Variants in GPC5 observed in about 807,000 individuals in gnomAD.
GPC5 encodes glypican 5, also known as glypican-5.
A neutral mutation model predicts 53.9 loss-of-function variants in GPC5; 47 were observed. That is an observed-to-expected ratio of 0.87 (90% CI 0.69 to 1.11). GPC5 has a LOEUF of 1.11. Among genes scored for constraint, GPC5 ranks in the 50% most tolerant of loss-of-function variants. The pLI is 0.00. For synonymous variants in GPC5, 286 were observed against 263.3 expected (o/e 1.09, Z -0.84); for missense variants, 748 against 713.1 (o/e 1.05, Z -0.56).
Position 91,833,948 on chromosome 13 carries a change from C to A in GPC5, c.1281-73989C>A, listed in dbSNP as rs542943682. On this transcript the variant is annotated intron_variant, in intron 5 of 7. Transcript: ENST00000377067. The stretch of plus-strand genomic sequence containing the variant: ...GTATTCAAATAGGAAAAGAGAAAGT[C>A]AGATTGTCTCTGTTTGCAGATGTCA... 2.6e-5 allele frequency among the ~76,000 whole-genome samples: 4 copies of A among 152,232 alleles called. No individual in the cohort carries two copies. In the East Asian group the frequency reaches 7.8e-4, roughly 30 times the overall value.
intron 7 of GPC5, among the ~76,000 whole-genome samples, chr13:92,278,530 T>G (rs2042891618): frequency 6.6e-6 from 1 of 152,070 alleles, no homozygotes; most frequent in African/African-American, 2.4e-5. Context: ...ATGGGCAATG[T>G]ACCTTTTATG....
At chr13:91,572,527 C>T (rs78477264) in intron 2 of GPC5, among the ~76,000 whole-genome samples, 3 of 151,982 alleles carry the variant, frequency 2.0e-5, no homozygotes, top group South Asian at 4.1e-4. Context: ...GCCATTGTAT[C>T]ACATGGTGAG....
In GPC5 at chr13:91,470,997, T is replaced by A. The variant is rs558911746; in HGVS notation, c.325+22075T>A. 9.9e-5 allele frequency among the ~76,000 whole-genome samples: 15 copies of A among 152,272 alleles called. No individual in the cohort carries two copies. The East Asian group carries it at 2.5e-3, about 26-fold the overall frequency. ...TCCAATTTTGATCACTTCCATGAAG[T>A]GCTGATTACGAAGACCTTATGTTAA... On this transcript the variant is annotated intron_variant, in intron 2 of 7. Coordinates refer to ENST00000377067, the MANE Select transcript of GPC5 (RefSeq NM_004466.6).
At chr13:92,602,489 C>T (rs1041516896) in intron 7 of GPC5, among the ~76,000 whole-genome samples, 1 of 151,922 alleles carries the variant, frequency 6.6e-6, no homozygotes, top group South Asian at 2.1e-4. Flanking sequence ...ACTCTACTAA[C>T]TGCTCCAAAT....
intron 7 of GPC5, among the ~76,000 whole-genome samples, chr13:92,846,665 T>A (rs1351197655): frequency 6.6e-6 from 1 of 152,198 alleles, no homozygotes; most frequent in African/African-American, 2.4e-5. Flanking sequence ...GAGAGAGTTT[T>A]ATCATGTGCA....
At position 92,201,344 on chromosome 13, in the gene GPC5, C is replaced by G. The variant is rs562786413; in HGVS notation, c.1561+56355C>G. ...CTAATATTTGATACATTGCTGTTGG[C>G]CGAGGAGCAGCCATGGCACATTGTC... On this transcript the variant is annotated intron_variant, in intron 7 of 7. Coordinates refer to ENST00000377067, the MANE Select transcript of GPC5 (RefSeq NM_004466.6). Among the ~76,000 whole-genome samples, 4 of 152,144 alleles carry G rather than the reference C, an allele frequency of 2.6e-5. No homozygotes were observed. The South Asian group carries it at 6.2e-4, about 24-fold the overall frequency.
At chr13:91,946,841 G>A (rs183880182) in intron 6 of GPC5, among the ~76,000 whole-genome samples, 1 of 152,088 alleles carries the variant, frequency 6.6e-6, no homozygotes, top group East Asian at 1.9e-4. Context: ...TAGGCCATAG[G>A]ATATAAGCCA....
At chr13:92,681,984 C>T (rs1594416015) in intron 7 of GPC5, among the ~76,000 whole-genome samples, 1 of 152,180 alleles carries the variant, frequency 6.6e-6, no homozygotes, top group Non-Finnish European at 1.5e-5. Context: ...TGTTTATATG[C>T]ATATTTCCCC....
At chr13:91,799,256 T>C (rs1232531182) in intron 5 of GPC5, among the ~76,000 whole-genome samples, 2 of 152,182 alleles carry the variant, frequency 1.3e-5, no homozygotes, top group Admixed American at 1.3e-4. Context: ...TTGCCTATTC[T>C]CACTTATAAA....
intron 2 of GPC5, among the ~76,000 whole-genome samples, chr13:91,607,174 T>A (rs2033396436): frequency 8.5e-6 from 1 of 117,962 alleles, no homozygotes; most frequent in East Asian, 3.1e-4. Flanking sequence ...GGAGTTCTAT[T>A]TTATCATATC....
At chr13:92,281,436 G>C (rs1048110935) in intron 7 of GPC5, among the ~76,000 whole-genome samples, 2 of 152,232 alleles carry the variant, frequency 1.3e-5, no homozygotes, top group African/African-American at 4.8e-5. Context: ...TCTGAGAACA[G>C]ACAGACTGCC....
intron 2 of GPC5, among the ~76,000 whole-genome samples, chr13:91,656,593 G>A (rs2034850960): frequency 6.6e-6 from 1 of 152,140 alleles, no homozygotes; most frequent in Non-Finnish European, 1.5e-5. Context: ...AATATGTGTA[G>A]CAGAGAAACT....
chr13:92,343,582 A>G (rs2043385173), intron 7 of GPC5, among the ~76,000 whole-genome samples: 1 of 152,154 alleles, frequency 6.6e-6, no homozygotes. Context: ...ATTGAAACAT[A>G]ATAATATAAT....
chr13:91,480,874 A>G (rs1883261386), intron 2 of GPC5, among the ~76,000 whole-genome samples: 1 of 151,946 alleles, frequency 6.6e-6, no homozygotes. Context: ...CTTTCCTACT[A>G]GTTCTTTAGT....
chr13:92,470,237 G>A (rs188184631), intron 7 of GPC5, among the ~76,000 whole-genome samples: 63 of 152,168 alleles, frequency 4.1e-4, no homozygotes, highest in Admixed American at 9.8e-4. Flanking sequence ...ATATAACAGC[G>A]AAAATATTAA....
chr13:91,891,788 A>G (rs1594645000), intron 5 of GPC5, among the ~76,000 whole-genome samples: 1 of 152,112 alleles, frequency 6.6e-6, no homozygotes, highest in East Asian at 1.9e-4. Context: ...CAGTTTCATG[A>G]ATTCATCAGT....
chr13:92,016,505 AT>A (rs1428274908), intron 6 of GPC5, among the ~76,000 whole-genome samples: 4 of 152,010 alleles, frequency 2.6e-5, no homozygotes, highest in African/African-American at 9.7e-5. Context: ...CTGATTCTAA[AT>A]TTTATTTTCT....
chr13:91,495,057 T>C (rs1884172960), intron 2 of GPC5, among the ~76,000 whole-genome samples: 1 of 152,234 alleles, frequency 6.6e-6, no homozygotes, highest in Admixed American at 6.5e-5. Flanking sequence ...ACTGAGCTCC[T>C]GATTTTATTC....
At chr13:92,286,578 C>A (rs1245418381) in intron 7 of GPC5, among the ~76,000 whole-genome samples, 1 of 152,134 alleles carries the variant, frequency 6.6e-6, no homozygotes, top group Non-Finnish European at 1.5e-5. Context: ...AGTTCATATC[C>A]TTTGTAGGGA....
Sources: gnomAD v4.1 joint callset for allele counts (sites outside exome capture counted in the v4.1 genomes callset) on GRCh38, gnomAD v4.1.1 for gene constraint, MANE v1.5 for transcripts, NCBI Gene and HGNC (gene_info 2026-07-23, HGNC 2026-07-21) for gene names.